Variants in PFDN5 observed in about 807,000 individuals in gnomAD.
PFDN5 encodes the protein c-myc binding protein.
Under a neutral mutation model 21.5 loss-of-function variants are expected in PFDN5, and 13 were observed. That is an observed-to-expected ratio of 0.60 (90% CI 0.39 to 0.96). The LOEUF is 0.96. Ranked by LOEUF, PFDN5 falls within the 40% of genes least tolerant of loss-of-function variation. PFDN5 has a pLI of 0.00. For synonymous variants in PFDN5, 84 were observed against 68.9 expected, an observed-to-expected ratio of 1.22 and a Z score of -1.08; for missense variants, 188 against 186.2, an observed-to-expected ratio of 1.01 and a Z score of -0.06.
intron 3 of PFDN5, 59 bp downstream of exon 3, chr12:53,296,334 A>G: frequency 1.5e-6 from 2 of 1,331,670 alleles, no homozygotes; most frequent in Admixed American, 1.8e-5. Context: ...TCACTCCCCC[A>G]AAAAGCGGGG....
Position 53,295,631 on chromosome 12 carries a change from C to A in PFDN5, c.64C>A (p.Leu22Met). ...LPQLEMLKNQ[L>M]DQEVEFLSTS... The stretch of plus-strand genomic sequence containing the variant: ...GCAGCTAGAAATGCTCAAGAACCAG[C>A]TGGACCAGGTGGGGACGGGCCCCAG... Residue 22 changes from leucine (L) to methionine (M), a missense_variant, in exon 1 of 6, where the codon CTG becomes ATG. Transcript: ENST00000334478. The A allele has an allele frequency of 6.2e-7, 1 of 1,613,648 alleles. No individual in the cohort carries two copies. Among genetic ancestry groups the A allele is most frequent in the Non-Finnish European group, 8.5e-7 (1 of 1,179,482 alleles).
chr12:53,297,439 A>C, intron 3 of PFDN5: 1 of 181,700 alleles, frequency 5.5e-6, no homozygotes, highest in Non-Finnish European at 1.2e-5. Context: ...AGAAAGCAAA[A>C]AACAAACAAA....
In PFDN5 at chr12:53,299,277, G is replaced by A; in HGVS notation, c.397G>A (p.Glu133Lys). 1 of 1,611,258 alleles carries A rather than the reference G, an allele frequency of 6.2e-7. No individual in the cohort carries two copies. Among genetic ancestry groups the A allele is most frequent in the Non-Finnish European group, 8.5e-7 (1 of 1,177,918 alleles). ...EKHAMKQAVM[E>K]MMSQKIQQLT... ...CTTATTTTTTTCCACAGCCGTCATG[G>A]AAATGATGAGTCAGAAGATTCAGCA... Residue 133 changes from glutamate to lysine, a missense_variant, in exon 6 of 6, where the codon GAA becomes AAA. Glu to Lys is a moderately conservative substitution (Grantham distance 56). Coordinates refer to ENST00000334478, the MANE Select transcript of PFDN5 (RefSeq NM_002624.4).
intron 3 of PFDN5, 40 bp downstream of exon 3, chr12:53,296,315 C>A: frequency 1.3e-6 from 2 of 1,536,532 alleles, no homozygotes; most frequent in Non-Finnish European, 1.8e-6. Context: ...TGCCTTCTCC[C>A]TTTCTCCTTC....
At position 53,298,296 on chromosome 12, in the gene PFDN5, A is replaced by G. The variant is rs535196544; in HGVS notation, c.388+146A>G. ...ATCTTTAGAATCTGTGTATTGCATA[A>G]TCACTATCTGTAGATTCCTGGGTTG... On this transcript the variant is annotated intron_variant, in intron 5 of 5. Coordinates refer to ENST00000334478, the MANE Select transcript of PFDN5 (RefSeq NM_002624.4). The G allele has an allele frequency of 2.5e-4, 152 of 619,332 alleles. 1 individual carries two copies. The African/African-American group carries it at 2.5e-3, about 10-fold the overall frequency. The allele number at this position is 619,332 out of a possible 1,614,324, so 38.4% of individuals were successfully genotyped here.
chr12:53,296,544 G>A, intron 3 of PFDN5: 1 of 572,864 alleles, frequency 1.7e-6, no homozygotes, highest in Non-Finnish European at 3.1e-6. Context: ...GAGTAGCTGG[G>A]ACTTTAGGTA....
chr12:53,295,965 A>G, intron 2 of PFDN5, 24 bp downstream of exon 2: 1 of 1,446,490 alleles, frequency 6.9e-7, no homozygotes, highest in Non-Finnish European at 9.7e-7. Context: ...GGGTGAGGGT[A>G]ACCTAAAGTG....
In PFDN5 at chr12:53,295,904, C is replaced by G; in HGVS notation, c.138C>G (p.Ala46=). The change falls in exon 2 of 6, where the codon GCC becomes GCG. Residue 46 remains alanine (A), a synonymous_variant. Coordinates refer to ENST00000334478, the MANE Select transcript of PFDN5 (RefSeq NM_002624.4). ...LKVVQTKYVE[A]KDCLNVLNKS... is the part of the protein sequence containing the mutation. ...TGGTACAGACCAAGTATGTGGAAGC[C>G]AAGGACTGTCTGAACGTGCTGAACA... is the stretch of plus-strand genomic sequence containing the variant. The G allele has an allele frequency of 6.2e-7, 1 of 1,612,340 alleles. No homozygotes were observed. Among genetic ancestry groups the G allele is most frequent in the Non-Finnish European group, 8.5e-7 (1 of 1,178,384 alleles).
chr12:53,297,877 G>A lies in PFDN5; in HGVS notation c.235G>A (p.Val79Met), dbSNP rs1265742483. Residue 79 changes from valine to methionine, a missense_variant, in exon 4 of 6, where the codon GTG becomes ATG. Physicochemically the swap from Val to Met is conservative, Grantham distance 21. Coordinates refer to ENST00000334478, the MANE Select transcript of PFDN5 (RefSeq NM_002624.4). ...GTATGTCCCTGGGAAGCTGCATGAT[G>A]TGGAACACGTGCTCATCGATGTGGG... ...SMYVPGKLHDVEHVLIDVGTG... is the reference protein window; with the variant it reads ...SMYVPGKLHDMEHVLIDVGTG... 1.9e-6 allele frequency: 3 copies of A among 1,612,962 alleles called. No individual in the cohort carries two copies. In the African/African-American group the frequency reaches 4.0e-5, roughly 22 times the overall value.
At chr12:53,296,691 G>C (rs1944156077) in intron 3 of PFDN5, 1 of 310,140 alleles carries the variant, frequency 3.2e-6, no homozygotes, top group African/African-American at 2.3e-5. Flanking sequence ...TACATTACAG[G>C]CGTGAGCCAC....
At chr12:53,295,779 C>A in intron 1 of PFDN5, 60 bp from the exon 2 acceptor site, 1 of 1,278,186 alleles carries the variant, frequency 7.8e-7, no homozygotes, top group Non-Finnish European at 1.1e-6. Flanking sequence ...GCCCCCTCCC[C>A]GGCCGCGCTC....
chr12:53,295,671 T>TGCTCTACATCCCCCTTGCCC (rs755587425), intron 1 of PFDN5, 32 bp downstream of exon 1: 1 of 1,568,242 alleles, frequency 6.4e-7, no homozygotes, highest in African/African-American at 1.4e-5. Flanking sequence ...ACCTCTTTCC[T>TGCTCTACATCCCCCTTGCCC]GCTCTACATC....
chr12:53,295,705 G>A lies in PFDN5; in HGVS notation c.72+66G>A, dbSNP rs530015195. The A allele has an allele frequency of 1.6e-4, 237 of 1,463,076 alleles. No individual in the cohort carries two copies. In the Admixed American group the frequency reaches 3.9e-3, roughly 24 times the overall value. The allele number at this position is 1,463,076 out of a possible 1,614,324, so 90.6% of individuals were successfully genotyped here. A position where few individuals can be genotyped will look rare whatever the true frequency, so the allele number is the denominator to read the frequency against. Reference sequence around the variant, plus strand: ...TCCCCCTTGCCCACGCGTACTTCTCGCGCCCGGTTCCAAGTTGGCAGCCTA... The same window carrying A: ...TCCCCCTTGCCCACGCGTACTTCTCACGCCCGGTTCCAAGTTGGCAGCCTA... On this transcript the variant is annotated intron_variant, in intron 1 of 5. Transcript: ENST00000334478.
intron 5 of PFDN5, 68 bp from the exon 6 acceptor site, chr12:53,299,201 T>A: frequency 9.4e-7 from 1 of 1,061,494 alleles, no homozygotes. Flanking sequence ...TAAACTTGCC[T>A]GTCACTTCTC....
intron 1 of PFDN5, 83 bp from the exon 2 acceptor site, chr12:53,295,756 G>A (rs1384484434): frequency 1.6e-6 from 2 of 1,267,998 alleles, no homozygotes; most frequent in Non-Finnish European, 1.2e-6. Flanking sequence ...ACCTCTATCC[G>A]ATCCCAGGAC....
chr12:53,296,088 G>T, intron 2 of PFDN5, 147 bp downstream of exon 2: 1 of 786,288 alleles, frequency 1.3e-6, no homozygotes, highest in East Asian at 2.7e-5. Flanking sequence ...TGCCTGCCTA[G>T]AATTGAAAAG....
In PFDN5 at chr12:53,297,889, C is replaced by G. The variant is rs757314958; in HGVS notation, c.247C>G (p.Leu83Val). The G allele has an allele frequency of 6.2e-7, 1 of 1,613,192 alleles. No homozygotes were observed. The highest frequency in any genetic ancestry group is 8.5e-7 in the Non-Finnish European group (1 of 1,179,580). ...GAAGCTGCATGATGTGGAACACGTG[C>G]TCATCGATGTGGGAACTGGGTACTA... ...PGKLHDVEHVLIDVGTGYYVE... is the reference protein window; with the variant it reads ...PGKLHDVEHVVIDVGTGYYVE... The change falls in exon 4 of 6, where the codon CTC becomes GTC. Residue 83 changes from leucine (L) to valine (V), a missense_variant. Transcript: ENST00000334478.
In PFDN5 at chr12:53,299,339, G is replaced by A; in HGVS notation, c.459G>A (p.Lys153=). Residue 153 remains lysine (K), a synonymous_variant, in exon 6 of 6, where the codon AAG becomes AAA. Transcript: ENST00000334478. The part of the protein sequence containing the change: ...TALGAAQATA[K]A ...TGGGGGCAGCTCAGGCTACTGCTAAGGCCTGAGAGTTTTTGCAGAAATGGG... is the reference window on the plus strand; with the variant it reads ...TGGGGGCAGCTCAGGCTACTGCTAAAGCCTGAGAGTTTTTGCAGAAATGGG... The A allele has an allele frequency of 1.2e-6, 2 of 1,606,060 alleles. No individual in the cohort carries two copies. Among genetic ancestry groups the A allele is most frequent in the Non-Finnish European group, 8.5e-7 (1 of 1,174,392 alleles).
intron 3 of PFDN5, chr12:53,296,526 A>C (rs1228508392): frequency 3.3e-6 from 2 of 603,920 alleles, no homozygotes; most frequent in Non-Finnish European, 5.9e-6. Flanking sequence ...CTTCTGCCTC[A>C]GTCTCCCGAG....
Sources: allele counts gnomAD v4.1 joint callset, GRCh38; gene constraint gnomAD v4.1.1; transcripts MANE v1.5; gene names NCBI Gene and HGNC (gene_info 2026-07-23, HGNC 2026-07-21).